Variants in GRM5 observed in about 807,000 individuals in gnomAD.
GRM5 encodes the protein glutamate metabotropic receptor 5.
Under a neutral mutation model 83.1 loss-of-function variants are expected in GRM5, and 19 were observed. The observed-to-expected ratio is 0.23, with a 90% CI of 0.16 to 0.34. The LOEUF is 0.34. GRM5 is among the 10% of genes least tolerant of loss of function. The probability of loss-of-function intolerance (pLI) is 1.00; values close to 1 mark genes in which losing one functional copy is unlikely to be tolerated. For synonymous variants in GRM5, 675 were observed against 633.6 expected (o/e 1.07, Z -0.98); for missense variants, 1,160 against 1,588.3 (o/e 0.73, Z 4.58).
chr11:88,698,950 A>G (rs1053839798), intron 3 of GRM5, among the ~76,000 whole-genome samples: 10 of 152,188 alleles, frequency 6.6e-5, no homozygotes, highest in Non-Finnish European at 1.5e-4. Flanking sequence ...TGCCCTTTCC[A>G]TCTGCTCTCT....
chr11:88,885,129 G>A (rs1364277617), intron 2 of GRM5, among the ~76,000 whole-genome samples: 1 of 151,594 alleles, frequency 6.6e-6, no homozygotes, highest in East Asian at 1.9e-4. Context: ...TATAAAATGA[G>A]GTACATCCCA....
intron 2 of GRM5, among the ~76,000 whole-genome samples, chr11:88,921,389 C>T (rs1359951539): frequency 2.6e-5 from 4 of 152,006 alleles, no homozygotes; most frequent in East Asian, 1.9e-4. Flanking sequence ...TTTGGGAGGC[C>T]GAGGCGGACA....
chr11:88,532,364 A>G (rs1223978235), intron 8 of GRM5, among the ~76,000 whole-genome samples: 1 of 152,166 alleles, frequency 6.6e-6, no homozygotes, highest in African/African-American at 2.4e-5. Context: ...CTTTTTGGCC[A>G]AGAAAGTGCC....
intron 2 of GRM5, among the ~76,000 whole-genome samples, chr11:88,866,232 G>C (rs201101721): frequency 6.6e-6 from 1 of 151,986 alleles, no homozygotes; most frequent in Non-Finnish European, 1.5e-5. Flanking sequence ...CATAAAAAAG[G>C]ATGAGTTCAT....
intron 2 of GRM5, among the ~76,000 whole-genome samples, chr11:88,996,879 T>C (rs1940200726): frequency 6.6e-6 from 1 of 152,140 alleles, no homozygotes; most frequent in Admixed American, 6.5e-5. Context: ...TATTAAACAA[T>C]ACACTGCTAA....
At chr11:88,805,545 C>A (rs1943485099) in intron 3 of GRM5, among the ~76,000 whole-genome samples, 1 of 116,412 alleles carries the variant, frequency 8.6e-6, no homozygotes. Context: ...ATGTTGGTTT[C>A]CAAAAAATAG....
intron 2 of GRM5, among the ~76,000 whole-genome samples, chr11:89,027,837 T>C (rs529258382): frequency 1.2e-4 from 18 of 152,206 alleles, no homozygotes; most frequent in Non-Finnish European, 1.9e-4. Context: ...GGTCTGAATA[T>C]CCTCTCCAAA....
chr11:88,749,170 T>C (rs947325413), intron 3 of GRM5, among the ~76,000 whole-genome samples: 9 of 152,204 alleles, frequency 5.9e-5, no homozygotes, highest in South Asian at 2.1e-4. Flanking sequence ...GAGCATGTTG[T>C]AACCTAATGC....
chr11:88,832,911 A>G (rs1005856715), intron 3 of GRM5, among the ~76,000 whole-genome samples: 3 of 152,190 alleles, frequency 2.0e-5, no homozygotes, highest in Non-Finnish European at 4.4e-5. Flanking sequence ...TTTGATATCC[A>G]TATGCAGAAG....
intron 3 of GRM5, among the ~76,000 whole-genome samples, chr11:88,843,291 A>G (rs1206909600): frequency 6.6e-6 from 1 of 152,192 alleles, no homozygotes; most frequent in East Asian, 1.9e-4. Context: ...ATTTCAATTT[A>G]CATGATAATT....
At chr11:88,667,248 A>T (rs1940068770) in intron 3 of GRM5, among the ~76,000 whole-genome samples, 1 of 152,188 alleles carries the variant, frequency 6.6e-6, no homozygotes, top group Non-Finnish European at 1.5e-5. Flanking sequence ...AAAGTATAAA[A>T]TATGATGAAA....
At chr11:88,919,056 C>T (rs571667848) in intron 2 of GRM5, among the ~76,000 whole-genome samples, 49 of 148,738 alleles carry the variant, frequency 3.3e-4, no homozygotes, top group Non-Finnish European at 5.7e-4. Context: ...TCAATAATAA[C>T]ATTAAATATA....
At chr11:88,635,603 G>T (rs557933654) in intron 4 of GRM5, among the ~76,000 whole-genome samples, 1 of 152,198 alleles carries the variant, frequency 6.6e-6, no homozygotes, top group African/African-American at 2.4e-5. Flanking sequence ...TCAGATATAT[G>T]GTTGCAAATA....
intron 9 of GRM5, among the ~76,000 whole-genome samples, chr11:88,519,487 T>C (rs1384244456): frequency 6.6e-6 from 1 of 152,026 alleles, no homozygotes. Flanking sequence ...TCAGACTGAG[T>C]TGGGCTCTAA....
chr11:88,655,054 T>C (rs905347002), intron 3 of GRM5, among the ~76,000 whole-genome samples: 1 of 152,078 alleles, frequency 6.6e-6, no homozygotes, highest in African/African-American at 2.4e-5. Context: ...GAAAGAACAC[T>C]GTTTTTCTCT....
At chr11:89,014,613 A>G (rs988185293) in intron 2 of GRM5, among the ~76,000 whole-genome samples, 3 of 152,218 alleles carry the variant, frequency 2.0e-5, no homozygotes, top group Non-Finnish European at 2.9e-5. Context: ...ACTATTTGAT[A>G]GCACAACAGG....
At chr11:89,009,928 A>AT (rs1940649037) in intron 2 of GRM5, among the ~76,000 whole-genome samples, 3 of 142,068 alleles carry the variant, frequency 2.1e-5, no homozygotes, top group Non-Finnish European at 4.6e-5. Context: ...AAAAAAAAAA[A>AT]AACACACACA....
intron 2 of GRM5, among the ~76,000 whole-genome samples, chr11:88,860,563 G>A (rs1385567685): frequency 3.3e-5 from 5 of 152,074 alleles, no homozygotes; most frequent in South Asian, 2.1e-4. Flanking sequence ...CCTCTACAGC[G>A]CAGCCAAAAC....
In GRM5 at chr11:88,849,998, C is replaced by A. The variant is rs2135540133; in HGVS notation, c.819G>T (p.Val273=). Residue 273 remains valine, a synonymous_variant, in exon 3 of 10, where the codon GTG becomes GTT. Transcript: ENST00000305447. ...TCATGCCCTCACAGAAGCAGGCCAC[C>A]ACCCGGGCCTTGGGCAAGTGACTTG... ...KLTSHLPKAR[V]VACFCEGMTV... The A allele has an allele frequency of 6.2e-7, 1 of 1,613,814 alleles. No homozygotes were observed. Among genetic ancestry groups the A allele is most frequent in the East Asian group, 2.2e-5 (1 of 44,882 alleles).
Sources: gnomAD v4.1 joint callset for allele counts (sites outside exome capture counted in the v4.1 genomes callset) on GRCh38, gnomAD v4.1.1 for gene constraint, MANE v1.5 for transcripts, NCBI Gene and HGNC (gene_info 2026-07-23, HGNC 2026-07-21) for gene names.